The following KIFBP variants were observed in gnomAD, a reference collection of about 807,000 sequenced individuals.
The protein encoded by KIFBP is KIF-binding protein.
KIFBP carries 46 observed loss-of-function variants against 58.9 expected under a neutral mutation model. The ratio of observed to expected loss-of-function variants is 0.78; its 90% CI spans 0.62 to 1.00. KIFBP has a LOEUF of 1.00. Ranked by LOEUF, KIFBP falls within the 50% of genes least tolerant of loss-of-function variation. The pLI is 0.00. For missense variants in KIFBP, 651 were observed against 752.9 expected (o/e 0.86, Z 1.58); for synonymous variants, 241 against 283.4 (o/e 0.85, Z 1.50).
intron 1 of KIFBP, among the ~76,000 whole-genome samples, chr10:68,997,015 T>A (rs1413123047): frequency 6.6e-6 from 1 of 152,168 alleles, no homozygotes; most frequent in South Asian, 2.1e-4. Context: ...ATAAAAGTGA[T>A]TTGATCATTC....
At chr10:69,005,182 A>G in intron 3 of KIFBP, 57 bp downstream of exon 3, 1 of 1,277,376 alleles carries the variant, frequency 7.8e-7, no homozygotes, top group Admixed American at 1.7e-5. Flanking sequence ...TAGATTAGTG[A>G]TTGTTCAAAA....
At chr10:69,002,377 C>T (rs1448028312) in intron 2 of KIFBP, among the ~76,000 whole-genome samples, 2 of 151,822 alleles carry the variant, frequency 1.3e-5, no homozygotes, top group Non-Finnish European at 2.9e-5. Context: ...AGGCTGGTCT[C>T]AAACTCCTGA....
intron 1 of KIFBP, chr10:68,989,468 C>T (rs1175915915): frequency 4.9e-6 from 3 of 608,930 alleles, no homozygotes; most frequent in South Asian, 2.0e-5. Flanking sequence ...CACAGTCGGC[C>T]GTCCCCAGAC....
chr10:69,003,005 C>T (rs1843486209), intron 2 of KIFBP, among the ~76,000 whole-genome samples: 1 of 111,416 alleles, frequency 9.0e-6, no homozygotes, highest in South Asian at 2.7e-4. Context: ...GCCAGGAGTT[C>T]AAGACCAACA....
intron 2 of KIFBP, among the ~76,000 whole-genome samples, chr10:69,003,044 C>CCAA (rs1554843027): frequency 9.5e-6 from 1 of 105,576 alleles, no homozygotes; most frequent in African/African-American, 3.6e-5. Context: ...CCCGTCTTTA[C>CCAA]AAAAAAAAAA....
intron 5 of KIFBP, 72 bp downstream of exon 5, chr10:69,008,997 A>G: frequency 7.8e-7 from 1 of 1,285,842 alleles, no homozygotes; most frequent in African/African-American, 1.5e-5. Context: ...TAAACTTTTG[A>G]AAAGTTGCAA....
intron 1 of KIFBP, chr10:68,999,759 CA>C (rs1843444177): frequency 1.3e-5 from 2 of 153,580 alleles, no homozygotes; most frequent in Non-Finnish European, 2.9e-5. Flanking sequence ...AAGGAGCAGG[CA>C]ATTGACCGGG....
At chr10:69,012,461 TGG>T (rs910455204) in intron 6 of KIFBP, among the ~76,000 whole-genome samples, 3 of 152,178 alleles carry the variant, frequency 2.0e-5, no homozygotes, top group Admixed American at 6.5e-5. Flanking sequence ...GAAGATTTCC[TGG>T]GGGATTCATT....
In KIFBP at chr10:68,999,247, G is replaced by A. The variant is rs139054834; in HGVS notation, c.427-1177G>A. Among the ~76,000 whole-genome samples the A allele has an allele frequency of 3.2e-3, 476 of 150,988 alleles. 3 individuals carry two copies. The highest frequency in any genetic ancestry group is 0.011 in the African/African-American group (449 of 41,090). On this transcript the variant is annotated intron_variant, in intron 1 of 6. Transcript: ENST00000361983. ...CAAGCAGCTGGGATTACAGGTGCAC[G>A]CCACCACTCCTGGCTAATTTTTATG...
chr10:69,015,464 T>A lies in KIFBP; in HGVS notation c.991-77T>A. 4 of 1,431,940 alleles carry A rather than the reference T, an allele frequency of 2.8e-6. No homozygotes were observed. The Admixed American group carries it at 7.7e-5, about 28-fold the overall frequency. 88.7% of individuals were successfully genotyped at this position (1,431,940 alleles called of 1,614,324 possible). A position where few individuals can be genotyped will look rare whatever the true frequency, so the allele number is the denominator to read the frequency against. On this transcript the variant is annotated intron_variant, in intron 6 of 6. Coordinates refer to ENST00000361983, the MANE Select transcript of KIFBP (RefSeq NM_015634.4). Reference sequence around the variant, plus strand: ...AAGAGACTTCTCTTCTAAAAAACTCTGAAGTTTGCTTTAATATTATTTAAC... The same window carrying A: ...AAGAGACTTCTCTTCTAAAAAACTCAGAAGTTTGCTTTAATATTATTTAAC...
rs997199629 is a variant in KIFBP, at chr10:69,005,840, G to C, written c.714G>C (p.Gln238His). ...ATTGCCATAGTACACTAAAACGCCA[G>C]CTTGAGCACAATGCCTACCATCCTA... ...AHYCHSTLKR[Q>H]LEHNAYHPIE... The change falls in exon 4 of 7, where the codon CAG becomes CAC. Residue 238 changes from glutamine to histidine, a missense_variant. Physicochemically the swap from Gln to His is conservative, Grantham distance 24. Transcript: ENST00000361983. 6.2e-7 allele frequency: 1 copy of C among 1,614,024 alleles called. No homozygotes were observed. The highest frequency in any genetic ancestry group is 8.5e-7 in the Non-Finnish European group (1 of 1,180,032).
At chr10:68,999,378 G>A (rs574347500) in intron 1 of KIFBP, among the ~76,000 whole-genome samples, 6 of 151,612 alleles carry the variant, frequency 4.0e-5, no homozygotes, top group South Asian at 2.1e-4. Flanking sequence ...AATTACAGGC[G>A]TGAGCCACCA....
chr10:69,014,714 T>TTTTTTGAGACGGAGTCTCGC (rs1415299770), intron 6 of KIFBP, among the ~76,000 whole-genome samples: 1 of 134,570 alleles, frequency 7.4e-6, no homozygotes, highest in Non-Finnish European at 1.6e-5. Context: ...CTTTTTTTAT[T>TTTTTTGAGACGGAGTCTCGC]TGCCCCCCCC....
intron 1 of KIFBP, 126 bp downstream of exon 1, chr10:68,989,384 C>T: frequency 1.9e-6 from 2 of 1,065,838 alleles, no homozygotes; most frequent in South Asian, 2.7e-5. Context: ...TAGCTCTGGA[C>T]TGAGTCCCAA....
chr10:69,011,943 G>A (rs1463176034), intron 6 of KIFBP, among the ~76,000 whole-genome samples: 3 of 151,534 alleles, frequency 2.0e-5, no homozygotes, highest in African/African-American at 4.9e-5. Context: ...CATCCATCTC[G>A]GCCTCCCAAA....
At position 69,016,521 on chromosome 10, in the gene KIFBP, GCAGTTTGAACTTGAGATA is replaced by G; in HGVS notation, c.*110_*127del. On this transcript the variant is annotated 3_prime_UTR_variant, in exon 7 of 7. Coordinates refer to ENST00000361983, the MANE Select transcript of KIFBP (RefSeq NM_015634.4). ...TGTTTACCTTTATAGCCAGGTGAGTGCAGTTTGAACTTGAGATACAGTCAACTGAGTGTTTGCTAGGAT... is the reference window on the plus strand; with the variant it reads ...TGTTTACCTTTATAGCCAGGTGAGTGCAGTCAACTGAGTGTTTGCTAGGAT... The G allele has an allele frequency of 8.4e-7, 1 of 1,194,668 alleles. No individual in the cohort carries two copies. Among genetic ancestry groups the G allele is most frequent in the Non-Finnish European group, 1.2e-6 (1 of 822,428 alleles). 74.0% of individuals were successfully genotyped at this position (1,194,668 alleles called of 1,614,324 possible). A position where few individuals can be genotyped will look rare whatever the true frequency, so the allele number is the denominator to read the frequency against.
chr10:69,012,657 C>G (rs1167333833), intron 6 of KIFBP, among the ~76,000 whole-genome samples: 1 of 151,914 alleles, frequency 6.6e-6, no homozygotes. Context: ...TTTGGGAGGC[C>G]AAGGTGGGTG....
chr10:68,989,739 C>T (rs1227628101), intron 1 of KIFBP: 2 of 168,460 alleles, frequency 1.2e-5, no homozygotes, highest in African/African-American at 4.8e-5. Context: ...ACTGTGTCGC[C>T]CAGGTTCGAG....
intron 1 of KIFBP, among the ~76,000 whole-genome samples, chr10:68,999,200 C>T (rs1193780857): frequency 6.6e-6 from 1 of 151,996 alleles, no homozygotes; most frequent in East Asian, 1.9e-4. Flanking sequence ...CAGGTTCAGG[C>T]AGTTCTCGTG....
Sources: gnomAD v4.1 joint callset for allele counts (sites outside exome capture counted in the v4.1 genomes callset) on GRCh38, gnomAD v4.1.1 for gene constraint, MANE v1.5 for transcripts, NCBI Gene and HGNC (gene_info 2026-07-23, HGNC 2026-07-21) for gene names.